AFF4: variants seen among roughly 807,000 people sequenced by gnomAD.
AFF4 encodes the protein AF4/FMR2 family member 4.
AFF4 carries 13 observed loss-of-function variants against 124.8 expected under a neutral mutation model. The ratio of observed to expected loss-of-function variants is 0.10; its 90% CI spans 0.07 to 0.17. The LOEUF is 0.17. Ranked by LOEUF, AFF4 falls within the 10% of genes least tolerant of loss-of-function variation. The probability of loss-of-function intolerance (pLI) is 1.00; values close to 1 mark genes in which losing one functional copy is unlikely to be tolerated. For synonymous variants in AFF4, 477 were observed against 496.1 expected, an observed-to-expected ratio of 0.96 and a Z score of 0.51; for missense variants, 1,092 against 1,403.8, an observed-to-expected ratio of 0.78 and a Z score of 3.55.
intron 14 of AFF4, among the ~76,000 whole-genome samples, 174 bp from the exon 15 acceptor site, chr5:132,888,334 T>C (rs113729550): frequency 1.3e-5 from 2 of 151,978 alleles, no homozygotes; most frequent in Admixed American, 6.6e-5. Context: ...AAAGCATAAG[T>C]TGTTTTGACC....
At chr5:132,957,291 T>C (rs987234127) in intron 1 of AFF4, among the ~76,000 whole-genome samples, 2 of 150,210 alleles carry the variant, frequency 1.3e-5, no homozygotes, top group African/African-American at 4.9e-5. Context: ...CAGTGAGCCG[T>C]GACTGCCCCA....
intron 7 of AFF4, 21 bp downstream of exon 7, chr5:132,902,421 C>T (rs758846003): frequency 1.9e-6 from 3 of 1,565,084 alleles, no homozygotes; most frequent in Non-Finnish European, 2.6e-6. Context: ...AAATATTAAA[C>T]TCATTAAGCA....
intron 1 of AFF4, among the ~76,000 whole-genome samples, chr5:132,957,184 C>G (rs2150114645): frequency 6.6e-6 from 1 of 151,112 alleles, no homozygotes; most frequent in Non-Finnish European, 1.5e-5. Flanking sequence ...TTGCAAAAAC[C>G]AAAAAATTTA....
At chr5:132,924,819 G>A (rs1002462752) in intron 5 of AFF4, among the ~76,000 whole-genome samples, 1 of 151,356 alleles carries the variant, frequency 6.6e-6, no homozygotes, top group Non-Finnish European at 1.5e-5. Flanking sequence ...CGCACCAGGT[G>A]ACACAGCAAG....
chr5:132,885,112 T>A lies in AFF4; in HGVS notation c.3107A>T (p.Tyr1036Phe), dbSNP rs754955298. ...AGGCGATGGTGCTTGAGAATTATTA[T>A]AAGAATTCTGTGGAAAAAGTAAAAT... ...KTLTEHLKNS[Y>F]NNSQAPSPGL... Residue 1036 changes from tyrosine to phenylalanine, a missense_variant, in exon 19 of 21, where the codon TAT (tyrosine) becomes TTT (phenylalanine). Transcript: ENST00000265343. 1.1e-5 allele frequency: 17 copies of A among 1,595,362 alleles called. No individual in the cohort carries two copies. The African/African-American group carries it at 2.2e-4, about 20-fold the overall frequency.
intron 1 of AFF4, among the ~76,000 whole-genome samples, chr5:132,958,562 C>T (rs1762012107): frequency 6.7e-6 from 1 of 148,300 alleles, no homozygotes; most frequent in Admixed American, 6.7e-5. Flanking sequence ...TTAACCAAAA[C>T]TTCAAGAAGG....
intron 6 of AFF4, 34 bp from the exon 7 acceptor site, chr5:132,902,521 GATGGCT>G: frequency 6.7e-7 from 1 of 1,500,806 alleles, no homozygotes; most frequent in Non-Finnish European, 9.3e-7. Flanking sequence ...GCAACTAAAG[GATGGCT>G]ATTTAGACTG....
intron 1 of AFF4, among the ~76,000 whole-genome samples, chr5:132,957,205 G>T (rs1426259146): frequency 2.0e-5 from 3 of 151,314 alleles, no homozygotes; most frequent in Non-Finnish European, 2.9e-5. Flanking sequence ...GCCAGGTATG[G>T]TGGCTCGTGC....
Position 132,908,772 on chromosome 5 carries a change from A to AT in AFF4, c.1051-4369dup, listed in dbSNP as rs1194870512. Among the ~76,000 whole-genome samples the AT allele has an allele frequency of 7.6e-3, 782 of 102,772 alleles. 3 individuals are homozygous for AT. The highest frequency in any genetic ancestry group is 0.042 in the Middle Eastern group (9 of 216). 67.4% of individuals were successfully genotyped at this position (102,772 alleles called of 152,430 possible). A position where few individuals can be genotyped will look rare whatever the true frequency, so the allele number is the denominator to read the frequency against. ...TATATATATACATATATATATATAT[A>AT]TATATTTTTTTTTTTTGAGACGGAA... On this transcript the variant is annotated intron_variant, in intron 5 of 20. Transcript: ENST00000265343.
intron 6 of AFF4, among the ~76,000 whole-genome samples, chr5:132,903,679 G>C (rs1479793908): frequency 1.3e-5 from 2 of 152,138 alleles, no homozygotes; most frequent in African/African-American, 4.8e-5. Flanking sequence ...AGAAAAAACA[G>C]GGACTGTACA....
chr5:132,934,269 T>G lies in AFF4; in HGVS notation c.796A>C (p.Met266Leu), dbSNP rs766813498. The G allele has an allele frequency of 6.2e-7, 1 of 1,614,210 alleles. No individual in the cohort carries two copies. The highest frequency in any genetic ancestry group is 8.5e-7 in the Non-Finnish European group (1 of 1,180,038). Residue 266 changes from methionine to leucine, a missense_variant, in exon 3 of 21, where the codon ATG (methionine) becomes CTG (leucine). Physicochemically the swap from Met to Leu is conservative, Grantham distance 15 (BLOSUM62 2). Transcript: ENST00000265343. Reference sequence around the variant, plus strand: ...TGCTCAGAGGACAGCTTTGGTTCCATGGACTCCTGTCCGTCCATGGGCCGC... The same window carrying G: ...TGCTCAGAGGACAGCTTTGGTTCCAGGGACTCCTGTCCGTCCATGGGCCGC... The part of the protein sequence containing the change: ...YVRPMDGQES[M>L]EPKLSSEHYS...
chr5:132,963,603 G>A lies in AFF4; in HGVS notation c.-349C>T, dbSNP rs1762131625. ...CCGTCCGCTGGCGGCGGCGACGGCAGCTGGACTCCTGCAGCCAGGGCTGTG... is the reference window on the plus strand; with the variant it reads ...CCGTCCGCTGGCGGCGGCGACGGCAACTGGACTCCTGCAGCCAGGGCTGTG... On this transcript the variant is annotated 5_prime_UTR_variant, in exon 1 of 21. Transcript: ENST00000265343. 2 of 397,500 alleles carry A rather than the reference G, an allele frequency of 5.0e-6. No homozygotes were observed. The highest frequency in any genetic ancestry group is 4.4e-5 in the Admixed American group (1 of 22,684). The allele number at this position is 397,500 out of a possible 1,614,324, so 24.6% of individuals were successfully genotyped here. A position where few individuals can be genotyped will look rare whatever the true frequency, so the allele number is the denominator to read the frequency against.
intron 5 of AFF4, among the ~76,000 whole-genome samples, chr5:132,908,771 TATATA>T (rs1380166335): frequency 5.9e-5 from 6 of 100,850 alleles, no homozygotes; most frequent in South Asian, 2.9e-4. Context: ...TATATATATA[TATATA>T]TTTTTTTTTT....
At chr5:132,950,652 A>C (rs1473228229) in intron 1 of AFF4, among the ~76,000 whole-genome samples, 1 of 152,152 alleles carries the variant, frequency 6.6e-6, no homozygotes, top group African/African-American at 2.4e-5. Flanking sequence ...CCATGTCAAA[A>C]ATAAAATAAA....
intron 5 of AFF4, among the ~76,000 whole-genome samples, chr5:132,905,048 C>A (rs374188328): frequency 2.5e-3 from 296 of 118,124 alleles, no homozygotes; most frequent in Middle Eastern, 4.2e-3. Context: ...GACTCCATCT[C>A]AAAAAAAAAA....
At position 132,937,139 on chromosome 5, in the gene AFF4, C is replaced by G; in HGVS notation, c.51G>C (p.Arg17=). 6.2e-7 allele frequency: 1 copy of G among 1,614,026 alleles called. No homozygotes were observed. The highest frequency in any genetic ancestry group is 8.5e-7 in the Non-Finnish European group (1 of 1,179,962). Reference sequence around the variant, plus strand: ...CTTCGCCCTGCTGAATTTCCTGATTCCGCCTTTCCCGTTCTTTCATACGCA... The same window carrying G: ...CTTCGCCCTGCTGAATTTCCTGATTGCGCCTTTCCCGTTCTTTCATACGCA... The part of the protein sequence containing the change: ...NVLRMKERER[R]NQEIQQGEDA... The change falls in exon 2 of 21, where the codon CGG becomes CGC. Residue 17 remains arginine (R), a synonymous_variant. Transcript: ENST00000265343.
intron 4 of AFF4, 44 bp downstream of exon 4, chr5:132,932,134 T>TA (rs1330483450): frequency 6.1e-6 from 9 of 1,473,054 alleles, no homozygotes; most frequent in South Asian, 3.8e-5. Flanking sequence ...TGGCAGAGCA[T>TA]AAAAAATTAA....
At chr5:132,938,565 T>C (rs1008211137) in intron 1 of AFF4, among the ~76,000 whole-genome samples, 6 of 152,108 alleles carry the variant, frequency 3.9e-5, no homozygotes, top group East Asian at 1.9e-4. Flanking sequence ...CCAAGTACTT[T>C]TGAGGACTTT....
At chr5:132,947,108 A>T (rs1761717996) in intron 1 of AFF4, among the ~76,000 whole-genome samples, 1 of 152,192 alleles carries the variant, frequency 6.6e-6, no homozygotes, top group Non-Finnish European at 1.5e-5. Flanking sequence ...GTTTAATTTT[A>T]AAAAATTTAA....
Sources: gnomAD v4.1 joint callset for allele counts (sites outside exome capture counted in the v4.1 genomes callset) on GRCh38, gnomAD v4.1.1 for gene constraint, MANE v1.5 for transcripts, NCBI Gene and HGNC (gene_info 2026-07-23, HGNC 2026-07-21) for gene names.